Variants in CDH12 observed in about 807,000 individuals in gnomAD.
CDH12 encodes the protein cadherin-12.
Under a neutral mutation model 74.1 loss-of-function variants are expected in CDH12, and 41 were observed. The observed-to-expected ratio is 0.55, with a 90% confidence interval of 0.43 to 0.72. CDH12 has a LOEUF of 0.72. Among genes scored for constraint, CDH12 ranks in the 30% least tolerant of loss-of-function variants. The pLI, the probability that CDH12 is intolerant of heterozygous loss-of-function variation, is 0.00. For missense variants in CDH12, 945 were observed against 977.2 expected, an observed-to-expected ratio of 0.97 and a Z score of 0.44; for synonymous variants, 399 against 355.0, an observed-to-expected ratio of 1.12 and a Z score of -1.39.
At position 22,570,132 on chromosome 5, in the gene CDH12, T is replaced by G. The variant is rs886317928; in HGVS notation, c.-522-64768A>C. On this transcript the variant is annotated intron_variant, in intron 1 of 14. Coordinates refer to ENST00000382254, the MANE Select transcript of CDH12 (RefSeq NM_004061.5). ...GTGCAGTGGAGTGATCTCGGCTCAC[T>G]GCAACCTTCACCTCCCAGGTTCAAG... Among the ~76,000 whole-genome samples, 7 of 152,026 alleles carry G rather than the reference T, an allele frequency of 4.6e-5. No homozygotes were observed. In the South Asian group the frequency reaches 8.3e-4, roughly 18 times the overall value.
intron 3 of CDH12, among the ~76,000 whole-genome samples, chr5:22,350,200 A>T (rs190905536): frequency 0.014 from 2,139 of 152,338 alleles, 27 homozygotes; most frequent in Middle Eastern, 0.027. Flanking sequence ...TGATTTTTCT[A>T]TTCAACAAAT....
intron 4 of CDH12, among the ~76,000 whole-genome samples, chr5:22,090,574 C>G (rs542743187): frequency 1.1e-4 from 17 of 149,938 alleles, no homozygotes; most frequent in Non-Finnish European, 1.8e-4. Flanking sequence ...CCAACCAACA[C>G]TTGACAAGAT....
chr5:22,100,798 C>T (rs965877483), intron 4 of CDH12, among the ~76,000 whole-genome samples: 16 of 152,012 alleles, frequency 1.1e-4, no homozygotes, highest in African/African-American at 3.9e-4. Context: ...ATGTTGTGGT[C>T]CTCCTGAATT....
chr5:22,766,913 G>T (rs1746543304), intron 1 of CDH12, among the ~76,000 whole-genome samples: 1 of 151,998 alleles, frequency 6.6e-6, no homozygotes, highest in Non-Finnish European at 1.5e-5. Context: ...GTATTGGCAG[G>T]AGATCTTGGA....
chr5:21,998,542 T>G (rs4449503), intron 5 of CDH12, among the ~76,000 whole-genome samples: 11,040 of 152,112 alleles, frequency 0.073, 985 homozygotes, highest in African/African-American at 0.21. Context: ...AATTACAATA[T>G]CAAAGTTTAC....
intron 1 of CDH12, among the ~76,000 whole-genome samples, chr5:22,712,939 C>A (rs2126976789): frequency 6.6e-6 from 1 of 152,000 alleles, no homozygotes; most frequent in East Asian, 1.9e-4. Context: ...TTAAAATTTC[C>A]ACTAAATTAA....
At chr5:22,425,303 G>A (rs1436046242) in intron 2 of CDH12, among the ~76,000 whole-genome samples, 1 of 150,992 alleles carries the variant, frequency 6.6e-6, no homozygotes, top group Non-Finnish European at 1.5e-5. Context: ...TTTTGTGAGT[G>A]TGGTAGTTTA....
intron 3 of CDH12, among the ~76,000 whole-genome samples, chr5:22,253,662 A>G (rs1753207987): frequency 6.6e-6 from 1 of 151,754 alleles, no homozygotes; most frequent in African/African-American, 2.4e-5. Flanking sequence ...TCTAGCTCCT[A>G]AATTTTAGAG....
intron 1 of CDH12, among the ~76,000 whole-genome samples, chr5:22,729,359 T>C (rs1744317568): frequency 6.6e-6 from 1 of 151,892 alleles, no homozygotes; most frequent in African/African-American, 2.4e-5. Flanking sequence ...ATGCTTCAAA[T>C]CTCTGAATTC....
chr5:21,983,731 A>G (rs1757405450), intron 5 of CDH12, among the ~76,000 whole-genome samples: 1 of 152,136 alleles, frequency 6.6e-6, no homozygotes, highest in Non-Finnish European at 1.5e-5. Flanking sequence ...TGTATCATAT[A>G]TATTTCACTC....
In CDH12 at chr5:22,122,777, G is replaced by A. The variant is rs1006949843; in HGVS notation, c.-186-43915C>T. 3.9e-5 allele frequency among the ~76,000 whole-genome samples: 6 copies of A among 152,206 alleles called. No homozygotes were observed. The East Asian group carries it at 9.6e-4, about 24-fold the overall frequency. On this transcript the variant is annotated intron_variant, in intron 4 of 14. Coordinates refer to ENST00000382254, the MANE Select transcript of CDH12 (RefSeq NM_004061.5). The stretch of plus-strand genomic sequence containing the variant: ...AAGGCTTGAATAAAACAAAAAACCT[G>A]AGAAAGAAGACTCTCTCTGCCTATC...
At chr5:21,867,083 G>A (rs552646136) in intron 6 of CDH12, among the ~76,000 whole-genome samples, 6 of 152,264 alleles carry the variant, frequency 3.9e-5, no homozygotes, top group Admixed American at 6.5e-5. Flanking sequence ...GGGCCAGCGC[G>A]GTGGCTCTCA....
chr5:22,614,863 C>T (rs757820044), intron 1 of CDH12, among the ~76,000 whole-genome samples: 1 of 152,038 alleles, frequency 6.6e-6, no homozygotes, highest in Non-Finnish European at 1.5e-5. Context: ...AGACCATTCA[C>T]ACTGTCGTAC....
intron 10 of CDH12, among the ~76,000 whole-genome samples, chr5:21,788,173 G>T (rs1241343573): frequency 6.6e-6 from 1 of 152,156 alleles, no homozygotes; most frequent in Non-Finnish European, 1.5e-5. Context: ...ATGCCTGAAA[G>T]AGAGATAGTA....
intron 1 of CDH12, among the ~76,000 whole-genome samples, chr5:22,648,731 A>T (rs761338496): frequency 6.6e-5 from 10 of 151,546 alleles, no homozygotes; most frequent in Non-Finnish European, 1.3e-4. Context: ...ACCTGATTTT[A>T]TGTACCATTT....
At chr5:22,303,441 T>C (rs937258574) in intron 3 of CDH12, among the ~76,000 whole-genome samples, 1 of 152,102 alleles carries the variant, frequency 6.6e-6, no homozygotes, top group Non-Finnish European at 1.5e-5. Flanking sequence ...CTTTAAAACT[T>C]TGAAAATTAT....
intron 3 of CDH12, among the ~76,000 whole-genome samples, chr5:22,273,522 G>A (rs1736496786): frequency 6.6e-6 from 1 of 152,076 alleles, no homozygotes; most frequent in South Asian, 2.1e-4. Flanking sequence ...TTAGCTTGGT[G>A]CAAATTGCAA....
intron 6 of CDH12, among the ~76,000 whole-genome samples, chr5:21,951,925 A>G (rs980801626): frequency 6.6e-6 from 1 of 152,196 alleles, no homozygotes; most frequent in African/African-American, 2.4e-5. Context: ...GCTTTTGAAT[A>G]GCGTCTGTTT....
chr5:22,208,225 G>A (rs1472898496), intron 4 of CDH12, among the ~76,000 whole-genome samples: 1 of 151,990 alleles, frequency 6.6e-6, no homozygotes, highest in Non-Finnish European at 1.5e-5. Context: ...CATTTGTAAG[G>A]GAAATAGATG....
Sources: allele counts gnomAD v4.1 joint callset (sites outside exome capture counted in the v4.1 genomes callset), GRCh38; gene constraint gnomAD v4.1.1; transcripts MANE v1.5; gene names NCBI Gene and HGNC (gene_info 2026-07-23, HGNC 2026-07-21).